The following SLC24A2 variants were observed in gnomAD, a reference collection of about 807,000 sequenced individuals.
SLC24A2 encodes sodium/potassium/calcium exchanger 2.
In SLC24A2, 36 loss-of-function variants were observed where a neutral mutation model predicts 62.0. The observed-to-expected ratio is 0.58, with a 90% confidence interval of 0.44 to 0.77. The LOEUF (loss-of-function observed/expected upper bound fraction) is 0.77, where lower values mean the gene tolerates loss of function less well. Ranked by LOEUF, SLC24A2 falls within the 30% of genes least tolerant of loss-of-function variation. The probability of loss-of-function intolerance (pLI) is 0.00; values close to 1 mark genes in which losing one functional copy is unlikely to be tolerated. For synonymous variants in SLC24A2, 358 were observed against 294.0 expected, an observed-to-expected ratio of 1.22 and a Z score of -2.23; for missense variants, 846 against 817.9, an observed-to-expected ratio of 1.03 and a Z score of -0.42.
the SLC24A2 span, among the ~76,000 whole-genome samples, chr9:20,165,450 A>G: frequency 1.3e-5 from 2 of 152,068 alleles, no homozygotes; most frequent in Admixed American, 6.6e-5. Context: ...TGGTAATGGC[A>G]CATGACTAGA....
At chr9:20,030,695 T>C in the SLC24A2 span, among the ~76,000 whole-genome samples, 1 of 152,198 alleles carries the variant, frequency 6.6e-6, no homozygotes, top group East Asian at 1.9e-4. Context: ...GTTCTGTAAA[T>C]ACTACCTCAT....
At chr9:20,000,902 G>A in the SLC24A2 span, among the ~76,000 whole-genome samples, 5 of 152,132 alleles carry the variant, frequency 3.3e-5, no homozygotes, top group African/African-American at 1.2e-4. Context: ...GACGGAAGGA[G>A]GCAGGAAGCA....
intron 2 of SLC24A2, among the ~76,000 whole-genome samples, chr9:19,777,340 T>A (rs979584837): frequency 3.3e-5 from 5 of 152,168 alleles, no homozygotes; most frequent in African/African-American, 9.7e-5. Flanking sequence ...TTGGAAAACA[T>A]TAAAAATTAT....
At chr9:20,183,830 A>G in the SLC24A2 span, among the ~76,000 whole-genome samples, 1 of 152,192 alleles carries the variant, frequency 6.6e-6, no homozygotes, top group Non-Finnish European at 1.5e-5. Context: ...AAGGTTCAGA[A>G]GAGTGTAGAT....
the SLC24A2 span, among the ~76,000 whole-genome samples, chr9:19,987,093 C>T: frequency 1.3e-5 from 2 of 152,038 alleles, no homozygotes; most frequent in South Asian, 4.2e-4. Context: ...AAGGGTGATG[C>T]TGAAACTCCT....
chr9:19,511,023 A>T lies in SLC24A2; in HGVS notation c.*5130T>A, dbSNP rs1490037176. 6.6e-6 allele frequency: 1 copy of T among 152,260 alleles called. No individual in the cohort carries two copies. Among genetic ancestry groups the T allele is most frequent in the Non-Finnish European group, 1.5e-5 (1 of 68,094 alleles). The allele number at this position is 152,260 out of a possible 1,614,324, so 9.4% of individuals were successfully genotyped here. A position where few individuals can be genotyped will look rare whatever the true frequency, so the allele number is the denominator to read the frequency against. On this transcript the variant is annotated 3_prime_UTR_variant, in exon 11 of 11. Transcript: ENST00000341998. ...AGGCATGCAAAATGCCAGTGTGTAC[A>T]TTAGCTGGGGGGAGTCATTGTGGAA... is the stretch of plus-strand genomic sequence containing the variant.
chr9:20,177,197 A>T, the SLC24A2 span, among the ~76,000 whole-genome samples: 1 of 152,030 alleles, frequency 6.6e-6, no homozygotes, highest in Non-Finnish European at 1.5e-5. Context: ...CTGTTTGTCA[A>T]TTTAAGTTCA....
At chr9:19,770,610 C>G (rs1031815772) in intron 2 of SLC24A2, among the ~76,000 whole-genome samples, 1 of 152,146 alleles carries the variant, frequency 6.6e-6, no homozygotes, top group Admixed American at 6.5e-5. Flanking sequence ...TCATCTGCTC[C>G]CACTTCCTGA....
intron 2 of SLC24A2, among the ~76,000 whole-genome samples, chr9:19,655,562 G>T (rs1237147128): frequency 6.6e-6 from 1 of 152,144 alleles, no homozygotes; most frequent in Non-Finnish European, 1.5e-5. Flanking sequence ...AAGTGAACAG[G>T]TTTCAGTTAT....
chr9:19,935,255 G>T, the SLC24A2 span, among the ~76,000 whole-genome samples: 1 of 150,884 alleles, frequency 6.6e-6, no homozygotes, highest in Admixed American at 6.6e-5. Flanking sequence ...AGACAGGGGG[G>T]TTCTAGCATA....
At chr9:20,127,267 T>G in the SLC24A2 span, among the ~76,000 whole-genome samples, 2 of 152,162 alleles carry the variant, frequency 1.3e-5, no homozygotes, top group South Asian at 4.1e-4. Context: ...CAGCAAACAT[T>G]CTGAAAGAGG....
Position 19,573,425 on chromosome 9 carries a change from T to C in SLC24A2, c.1273A>G (p.Thr425Ala). Residue 425 changes from threonine (T) to alanine (A), a missense_variant, in exon 7 of 11, where the codon ACA (threonine) becomes GCA (alanine). Physicochemically the swap from Thr to Ala is moderately conservative, Grantham distance 58 (BLOSUM62 0). Coordinates refer to ENST00000341998, the MANE Select transcript of SLC24A2 (RefSeq NM_020344.4). The stretch of plus-strand genomic sequence containing the variant: ...GGTTCTGAAGCATCACTGGATGGTG[T>C]CATTTCAACATCTGTGCTGGTGCTG... ...PNSTSTDVEMTPSSDASEPVQ... is the reference protein window; with the variant it reads ...PNSTSTDVEMAPSSDASEPVQ... 1 of 1,613,536 alleles carries C rather than the reference T, an allele frequency of 6.2e-7. No homozygotes were observed. Among genetic ancestry groups the C allele is most frequent in the Non-Finnish European group, 8.5e-7 (1 of 1,179,726 alleles).
At chr9:20,027,109 G>T in the SLC24A2 span, among the ~76,000 whole-genome samples, 1 of 151,848 alleles carries the variant, frequency 6.6e-6, no homozygotes, top group Non-Finnish European at 1.5e-5. Flanking sequence ...AATCAGAACC[G>T]CAATGAGCTA....
At chr9:20,137,317 CA>C in the SLC24A2 span, among the ~76,000 whole-genome samples, 1 of 152,128 alleles carries the variant, frequency 6.6e-6, no homozygotes, top group African/African-American at 2.4e-5. Context: ...CTCCACTGCT[CA>C]ATACTTAATG....
chr9:19,607,101 T>C (rs1282340156), intron 4 of SLC24A2, among the ~76,000 whole-genome samples: 1 of 152,228 alleles, frequency 6.6e-6, no homozygotes, highest in African/African-American at 2.4e-5. Flanking sequence ...TTAGTGTAAA[T>C]GCCTTTCATT....
At chr9:19,655,491 C>A (rs1157160757) in intron 2 of SLC24A2, among the ~76,000 whole-genome samples, 1 of 152,196 alleles carries the variant, frequency 6.6e-6, no homozygotes, top group African/African-American at 2.4e-5. Flanking sequence ...TCTCTATTTC[C>A]TAAGCAGGGA....
intron 4 of SLC24A2, among the ~76,000 whole-genome samples, chr9:19,607,611 T>A (rs1055470036): frequency 1.3e-5 from 2 of 149,944 alleles, no homozygotes; most frequent in African/African-American, 4.9e-5. Flanking sequence ...CATAGCTACT[T>A]GAGAGGCTGA....
chr9:19,511,147 G>A lies in SLC24A2; in HGVS notation c.*5006C>T, dbSNP rs1028534529. 1 of 152,154 alleles carries A rather than the reference G, an allele frequency of 6.6e-6. No individual in the cohort carries two copies. Among genetic ancestry groups the A allele is most frequent in the Non-Finnish European group, 1.5e-5 (1 of 68,046 alleles). 9.4% of individuals were successfully genotyped at this position (152,154 alleles called of 1,614,324 possible). The stretch of plus-strand genomic sequence containing the variant: ...ATGCCACAACCTGCGCAGGTCCAAA[G>A]CTCCTGGTGAAAAAGGAATATTGCC... On this transcript the variant is annotated 3_prime_UTR_variant, in exon 11 of 11. Coordinates refer to ENST00000341998, the MANE Select transcript of SLC24A2 (RefSeq NM_020344.4).
the SLC24A2 span, among the ~76,000 whole-genome samples, chr9:20,038,149 A>G: frequency 7.6e-4 from 115 of 152,294 alleles, no homozygotes; most frequent in African/African-American, 2.6e-3. Context: ...TTCCCATATA[A>G]TTAGAGGCAT....
Sources: allele counts gnomAD v4.1 joint callset (sites outside exome capture counted in the v4.1 genomes callset), GRCh38; gene constraint gnomAD v4.1.1; transcripts MANE v1.5; gene names NCBI Gene and HGNC (gene_info 2026-07-23, HGNC 2026-07-21).